ASXL3: variants seen among roughly 807,000 people sequenced by gnomAD.
ASXL3 encodes putative Polycomb group protein ASXL3.
ASXL3 carries 34 observed loss-of-function variants against 170.6 expected under a neutral mutation model. The ratio of observed to expected loss-of-function variants is 0.20; its 90% CI spans 0.15 to 0.27. ASXL3 has a LOEUF of 0.27. Ranked by LOEUF, ASXL3 falls within the 10% of genes least tolerant of loss-of-function variation. The probability of loss-of-function intolerance (pLI) is 1.00; values close to 1 mark genes in which losing one functional copy is unlikely to be tolerated. For synonymous variants in ASXL3, 1,002 were observed against 989.1 expected, an observed-to-expected ratio of 1.01 and a Z score of -0.24; for missense variants, 2,592 against 2,695.3, an observed-to-expected ratio of 0.96 and a Z score of 0.85.
At chr18:33,609,161 A>G in intron 2 of ASXL3, 1 of 673,618 alleles carries the variant, frequency 1.5e-6, no homozygotes, top group African/African-American at 2.0e-5. Flanking sequence ...GAACAAAATC[A>G]GGAAAACAGG....
intron 7 of ASXL3, among the ~76,000 whole-genome samples, chr18:33,678,632 G>A (rs2066467420): frequency 6.6e-6 from 1 of 152,170 alleles, no homozygotes. Flanking sequence ...GCAATTGTTG[G>A]TTCTTTTCCC....
intron 8 of ASXL3, among the ~76,000 whole-genome samples, chr18:33,688,059 C>T (rs1198210691): frequency 6.6e-6 from 1 of 152,170 alleles, no homozygotes; most frequent in Non-Finnish European, 1.5e-5. Context: ...TGCCTCAGTG[C>T]ATGGGGAGAA....
intron 2 of ASXL3, among the ~76,000 whole-genome samples, chr18:33,641,982 TA>T (rs2065853164): frequency 6.6e-6 from 1 of 151,958 alleles, no homozygotes; most frequent in Non-Finnish European, 1.5e-5. Context: ...TTGAATAAAT[TA>T]AAAATAAGAA....
chr18:33,609,960 C>T (rs2065309352), intron 2 of ASXL3, among the ~76,000 whole-genome samples: 2 of 151,932 alleles, frequency 1.3e-5, no homozygotes, highest in Non-Finnish European at 2.9e-5. Context: ...TTACTTATGG[C>T]TCATGCATCT....
At chr18:33,713,342 C>CT in intron 8 of ASXL3, among the ~76,000 whole-genome samples, 1 of 73,018 alleles carries the variant, frequency 1.4e-5, no homozygotes, top group Non-Finnish European at 2.6e-5. Context: ...GCAACCTCCA[C>CT]CCCCCCCCGG....
intron 2 of ASXL3, among the ~76,000 whole-genome samples, chr18:33,617,874 G>A (rs1212588872): frequency 6.6e-6 from 1 of 152,148 alleles, no homozygotes; most frequent in Admixed American, 6.5e-5. Context: ...CTATGCAGGT[G>A]AAAATCTTTG....
chr18:33,708,304 C>T (rs2066997950), intron 8 of ASXL3, among the ~76,000 whole-genome samples: 1 of 152,072 alleles, frequency 6.6e-6, no homozygotes, highest in Non-Finnish European at 1.5e-5. Context: ...ACTTTTCTAT[C>T]GTCTCAGTTT....
At chr18:33,720,307 G>A (rs2067237812) in intron 8 of ASXL3, among the ~76,000 whole-genome samples, 1 of 152,022 alleles carries the variant, frequency 6.6e-6, no homozygotes, top group Non-Finnish European at 1.5e-5. Context: ...ATGACTAATA[G>A]ATAGTCACTT....
chr18:33,725,614 A>G (rs1253613583), intron 8 of ASXL3, among the ~76,000 whole-genome samples: 4 of 152,186 alleles, frequency 2.6e-5, no homozygotes, highest in Admixed American at 6.5e-5. Flanking sequence ...TTTGAAAACA[A>G]TATTTACCAT....
intron 8 of ASXL3, among the ~76,000 whole-genome samples, chr18:33,708,383 G>A (rs1415201307): frequency 4.6e-5 from 7 of 152,126 alleles, no homozygotes; most frequent in Admixed American, 4.6e-4. Context: ...CATATTGAAT[G>A]TGTACATGTT....
intron 8 of ASXL3, among the ~76,000 whole-genome samples, chr18:33,712,766 G>A (rs1304033770): frequency 6.6e-6 from 1 of 152,176 alleles, no homozygotes; most frequent in African/African-American, 2.4e-5. Context: ...AGGTGTGTTA[G>A]TCAAGGTAGA....
In ASXL3 at chr18:33,671,753, A is replaced by G. The variant is rs956633788; in HGVS notation, c.602A>G (p.Glu201Gly). The change falls in exon 7 of 12, where the codon GAA becomes GGA. Residue 201 changes from glutamate to glycine, a missense_variant. Around this residue, in one of 4 missense-constraint regions of ASXL3, gnomAD observed 251 missense variants for 281.9 expected, o/e 0.89. Transcript: ENST00000269197. The stretch of plus-strand genomic sequence containing the variant: ...TAACTATTTCCTTTTTTAGGATCTG[A>G]ATCTAAAAATGGTGAAGCAGACAGT... ...DEQSDSPSGS[E>G]SKNGEADSSD... The G allele has an allele frequency of 6.2e-6, 10 of 1,603,078 alleles. No individual in the cohort carries two copies. The African/African-American group carries it at 1.3e-4, about 22-fold the overall frequency.
chr18:33,667,507 G>A (rs115922041), intron 5 of ASXL3, among the ~76,000 whole-genome samples: 38 of 152,094 alleles, frequency 2.5e-4, no homozygotes, highest in African/African-American at 8.0e-4. Context: ...CATCTACTCC[G>A]TTCTTTTTTT....
At chr18:33,622,381 T>G (rs534385671) in intron 2 of ASXL3, among the ~76,000 whole-genome samples, 6 of 152,214 alleles carry the variant, frequency 3.9e-5, no homozygotes, top group Non-Finnish European at 8.8e-5. Flanking sequence ...CTGCTGATTT[T>G]ATTAAACCCT....
intron 8 of ASXL3, among the ~76,000 whole-genome samples, chr18:33,703,134 T>TA (rs754054448): frequency 1.3e-5 from 2 of 152,172 alleles, no homozygotes; most frequent in Non-Finnish European, 1.5e-5. Context: ...TTTAGCTTGT[T>TA]ACATTCATAA....
chr18:33,714,536 C>T (rs1255274854), intron 8 of ASXL3, among the ~76,000 whole-genome samples: 1 of 152,100 alleles, frequency 6.6e-6, no homozygotes, highest in Non-Finnish European at 1.5e-5. Context: ...AGTAACTTGC[C>T]CCAAAACACA....
intron 2 of ASXL3, among the ~76,000 whole-genome samples, chr18:33,632,966 T>A (rs2065701910): frequency 6.6e-6 from 1 of 152,180 alleles, no homozygotes; most frequent in South Asian, 2.1e-4. Flanking sequence ...GGACCTTCCC[T>A]CTGGAATCTG....
chr18:33,590,170 C>A (rs2065066548), intron 1 of ASXL3, among the ~76,000 whole-genome samples: 1 of 111,926 alleles, frequency 8.9e-6, no homozygotes, highest in Admixed American at 1.2e-4. Flanking sequence ...AGGCAGGATT[C>A]TATTTAGGTA....
chr18:33,703,312 G>A (rs886067139), intron 8 of ASXL3, among the ~76,000 whole-genome samples: 3 of 152,144 alleles, frequency 2.0e-5, no homozygotes, highest in African/African-American at 7.2e-5. Flanking sequence ...AAAATCTAGA[G>A]TCTCTGCTTC....
Sources: gnomAD v4.1 joint callset for allele counts (sites outside exome capture counted in the v4.1 genomes callset) on GRCh38, gnomAD v4.1.1 for gene constraint, gnomAD v4.1.1 regional missense constraint, MANE v1.5 for transcripts, NCBI Gene and HGNC (gene_info 2026-07-23, HGNC 2026-07-21) for gene names.